The following ATP1A2 variants were observed in gnomAD, a reference collection of about 807,000 sequenced individuals.
ATP1A2 encodes ATPase Na+/K+ transporting subunit alpha 2, also known as sodium/potassium-transporting ATPase subunit alpha-2.
In ATP1A2, 56 loss-of-function variants were observed where a neutral mutation model predicts 113.1. That is an observed-to-expected ratio of 0.49 (90% CI 0.40 to 0.62). The LOEUF (loss-of-function observed/expected upper bound fraction) is 0.62. ATP1A2 is among the 20% of genes least tolerant of loss of function. ATP1A2 has a pLI of 0.00. For synonymous variants in ATP1A2, 490 were observed against 526.8 expected, an observed-to-expected ratio of 0.93 and a Z score of 0.96; for missense variants, 712 against 1,357.8, an observed-to-expected ratio of 0.52 and a Z score of 7.47.
chr1:160,132,106 T>C (rs1301519306), intron 13 of ATP1A2, among the ~76,000 whole-genome samples: 1 of 152,172 alleles, frequency 6.6e-6, no homozygotes, highest in Non-Finnish European at 1.5e-5. Context: ...ATATTTGAGC[T>C]GGGCTTTGGA....
At position 160,127,591 on chromosome 1, in the gene ATP1A2, C is replaced by T. The variant is rs777400961; in HGVS notation, c.788C>T (p.Thr263Met). The change falls in exon 8 of 23, where the codon ACG (threonine) becomes ATG (methionine). Residue 263 changes from threonine (T) to methionine (M), a missense_variant. Around this residue, in one of 6 missense-constraint regions of ATP1A2, gnomAD observed 99 missense variants for 180.4 expected, o/e 0.55. Transcript: ENST00000361216. Reference protein sequence around the residue: ...RGIVIATGDRTVMGRIATLAS... With the variant: ...RGIVIATGDRMVMGRIATLAS... The stretch of plus-strand genomic sequence containing the variant: ...ATTGTGATTGCCACAGGAGACCGGA[C>T]GGTGATGGGCCGCATAGCTACTCTC... 6.2e-7 allele frequency: 1 copy of T among 1,614,242 alleles called. No individual in the cohort carries two copies. Among genetic ancestry groups the T allele is most frequent in the Non-Finnish European group, 8.5e-7 (1 of 1,180,044 alleles).
At chr1:160,128,416 C>T (rs942188624) in intron 8 of ATP1A2, 2 of 1,235,212 alleles carry the variant, frequency 1.6e-6, no homozygotes, top group South Asian at 1.3e-5. Flanking sequence ...CTGCTCTGGC[C>T]CTCTCTGGAG....
At position 160,134,633 on chromosome 1, in the gene ATP1A2, C is replaced by A. The variant is rs776155328; in HGVS notation, c.1964+13C>A. The A allele has an allele frequency of 1.6e-5, 26 of 1,614,068 alleles. No individual in the cohort carries two copies. The highest frequency in any genetic ancestry group is 2.1e-5 in the Non-Finnish European group (25 of 1,180,030). On this transcript the variant is annotated intron_variant, in intron 14 of 22. Coordinates refer to ENST00000361216, the MANE Select transcript of ATP1A2 (RefSeq NM_000702.4). ...AAGTCAACCCCAGGTGAGGCCTCTG[C>A]AGGAAGCCCCTGTGCCCTAATCAAC...
At position 160,139,397 on chromosome 1, in the gene ATP1A2, A is replaced by G. The variant is rs114932477; in HGVS notation, c.2841-243A>G. 0.021 allele frequency among the ~76,000 whole-genome samples: 3,160 copies of G among 152,296 alleles called. 107 individuals are homozygous for G. The highest frequency in any genetic ancestry group is 0.073 in the African/African-American group (3,025 of 41,542). ...CAGAACACGTCACCCAACACCTAGAAACAATTATTTAATGAATGAATATAC... is the reference window on the plus strand; with the variant it reads ...CAGAACACGTCACCCAACACCTAGAGACAATTATTTAATGAATGAATATAC... On this transcript the variant is annotated intron_variant, in intron 20 of 22. Coordinates refer to ENST00000361216, the MANE Select transcript of ATP1A2 (RefSeq NM_000702.4).
chr1:160,118,298 A>G (rs1651254893), intron 1 of ATP1A2, among the ~76,000 whole-genome samples: 1 of 152,152 alleles, frequency 6.6e-6, no homozygotes, highest in Non-Finnish European at 1.5e-5. Context: ...TCTTCTGCCC[A>G]CAGACCCAGC....
At chr1:160,127,504 TC>T in intron 7 of ATP1A2, 47 bp from the exon 8 acceptor site, 1 of 1,612,900 alleles carries the variant, frequency 6.2e-7, no homozygotes, top group Non-Finnish European at 8.5e-7. Context: ...GGGACTGCAG[TC>T]CCTGGGAGCC....
Position 160,135,054 on chromosome 1 carries a change from T to A in ATP1A2, c.1965-91T>A. ...GGGGAAGCAGGCTCAGCAGGGAGCCTGCAGGCTGCGGTGGTGAAGAGAGGC... is the reference window on the plus strand; with the variant it reads ...GGGGAAGCAGGCTCAGCAGGGAGCCAGCAGGCTGCGGTGGTGAAGAGAGGC... On this transcript the variant is annotated intron_variant, in intron 14 of 22. Coordinates refer to ENST00000361216, the MANE Select transcript of ATP1A2 (RefSeq NM_000702.4). This position sits in a 1 kb window ranked among gnomAD's most constrained non-coding sequence, Gnocchi z 6.3. 2.6e-6 allele frequency: 4 copies of A among 1,559,828 alleles called. No homozygotes were observed. Among genetic ancestry groups the A allele is most frequent in the Non-Finnish European group, 2.6e-6 (3 of 1,138,198 alleles).
At chr1:160,133,181 AG>A (rs1372672929) in intron 13 of ATP1A2, among the ~76,000 whole-genome samples, 1 of 152,014 alleles carries the variant, frequency 6.6e-6, no homozygotes, top group Admixed American at 6.6e-5. Flanking sequence ...ACAGGAATGG[AG>A]GAGTATGTGG....
chr1:160,138,790 G>A (rs1279079275), intron 20 of ATP1A2, among the ~76,000 whole-genome samples: 1 of 151,990 alleles, frequency 6.6e-6, no homozygotes, highest in Non-Finnish European at 1.5e-5. Context: ...ACAGTGAGCT[G>A]TGATCGTCCA....
Position 160,127,759 on chromosome 1 carries a change from T to A in ATP1A2, c.956T>A (p.Val319Asp), listed in dbSNP as rs769126252. ...CTGGGCTACAGCTGGCTGGAGGCAG[T>A]CATCTTCCTCATCGGCATCATAGTG... ...LILGYSWLEA[V>D]IFLIGIIVAN... is the part of the protein sequence containing the mutation. The change falls in exon 8 of 23, where the codon GTC (valine) becomes GAC (aspartate). Residue 319 changes from valine (V) to aspartate (D), a missense_variant. This residue lies in a region of ATP1A2 where 44 missense variants were observed against 153.1 expected (regional missense o/e 0.29). Transcript: ENST00000361216. The A allele has an allele frequency of 6.2e-7, 1 of 1,613,936 alleles. No homozygotes were observed. Among genetic ancestry groups the A allele is most frequent in the African/African-American group, 1.3e-5 (1 of 74,922 alleles).
intron 1 of ATP1A2, among the ~76,000 whole-genome samples, chr1:160,119,958 G>A (rs1426504389): frequency 6.6e-6 from 1 of 151,810 alleles, no homozygotes; most frequent in East Asian, 1.9e-4. Context: ...AGAAGCGGAG[G>A]GTGCAGTGAG....
chr1:160,120,029 A>T (rs922918643), intron 1 of ATP1A2, among the ~76,000 whole-genome samples: 1 of 151,960 alleles, frequency 6.6e-6, no homozygotes, highest in African/African-American at 2.4e-5. Context: ...TCAAGAAAAA[A>T]AAAAAGGCCA....
At position 160,129,365 on chromosome 1, in the gene ATP1A2, G is replaced by A. The variant is rs1325367634; in HGVS notation, c.1426G>A (p.Ala476Thr). Residue 476 changes from alanine to threonine, a missense_variant, in exon 11 of 23, where the codon GCA becomes ACA. Ala to Thr is a moderately conservative substitution (Grantham distance 58). Around this residue, in one of 6 missense-constraint regions of ATP1A2, gnomAD observed 263 missense variants for 380.6 expected, o/e 0.69. Coordinates refer to ENST00000361216, the MANE Select transcript of ATP1A2 (RefSeq NM_000702.4). The stretch of plus-strand genomic sequence containing the variant: ...AATGAGAGACAGAAACCCCAAGGTG[G>A]CAGAGATTCCTTTCAACTCTACCAA... ...RKMRDRNPKV[A>T]EIPFNSTNKY... The A allele has an allele frequency of 3.7e-6, 6 of 1,613,924 alleles. No individual in the cohort carries two copies. In the Admixed American group the frequency reaches 1.0e-4, roughly 27 times the overall value.
At chr1:160,125,007 G>A in intron 6 of ATP1A2, 129 bp from the exon 7 acceptor site, 1 of 772,320 alleles carries the variant, frequency 1.3e-6, no homozygotes, top group African/African-American at 1.7e-5. Flanking sequence ...ATAAATATGT[G>A]ATGAGGGCAA....
intron 22 of ATP1A2, among the ~76,000 whole-genome samples, chr1:160,140,221 C>T (rs1344869400): frequency 2.0e-5 from 3 of 152,188 alleles, no homozygotes; most frequent in Non-Finnish European, 4.4e-5. Flanking sequence ...GGCCCTCCAC[C>T]TTCCACCTGA....
intron 4 of ATP1A2, among the ~76,000 whole-genome samples, chr1:160,123,695 C>T (rs899614339): frequency 1.3e-5 from 2 of 152,224 alleles, no homozygotes; most frequent in Admixed American, 1.3e-4. Context: ...GTCTTCATCC[C>T]CTAGCAAAGT....
chr1:160,138,713 C>T (rs1022813365), intron 20 of ATP1A2, among the ~76,000 whole-genome samples: 4 of 152,108 alleles, frequency 2.6e-5, no homozygotes, highest in Admixed American at 2.6e-4. Context: ...TGGTGGCACA[C>T]ACCTGTAATT....
chr1:160,125,498 C>CT lies in ATP1A2; in HGVS notation c.748+246dup, dbSNP rs35015303. The CT allele has an allele frequency of 0.29, 156,410 of 534,056 alleles. 24,264 individuals are homozygous for CT. The highest frequency in any genetic ancestry group is 0.46 in the East Asian group (13,901 of 30,012). The allele number at this position is 534,056 out of a possible 1,614,324, so 33.1% of individuals were successfully genotyped here. On this transcript the variant is annotated intron_variant, in intron 7 of 22. Transcript: ENST00000361216. ...GATCTCTGTTCTGTCCACCCCAAGA[C>CT]TGAGTGGATTTCAAAGCTTTCAGGT...
At chr1:160,121,399 A>G in intron 3 of ATP1A2, 148 bp downstream of exon 3, 1 of 932,090 alleles carries the variant, frequency 1.1e-6, no homozygotes, top group Non-Finnish European at 1.7e-6. Context: ...AAGGACATGC[A>G]GCTAGTTGGT....
Sources: gnomAD v4.1 joint callset for allele counts (sites outside exome capture counted in the v4.1 genomes callset) on GRCh38, gnomAD v4.1.1 for gene constraint, gnomAD v4.1.1 regional missense constraint, Gnocchi (gnomAD v3.1) non-coding constraint, MANE v1.5 for transcripts, NCBI Gene and HGNC (gene_info 2026-07-23, HGNC 2026-07-21) for gene names.